Variants in SLC6A13 observed in about 807,000 individuals in gnomAD.
SLC6A13 encodes the protein solute carrier family 6 member 13.
SLC6A13 carries 69 observed loss-of-function variants against 72.9 expected under a neutral mutation model. That is an observed-to-expected ratio of 0.95 (90% CI 0.78 to 1.16). The LOEUF is 1.16. Among genes scored for constraint, SLC6A13 ranks in the 50% most tolerant of loss-of-function variants. SLC6A13 has a pLI of 0.00. For missense variants in SLC6A13, 735 were observed against 760.5 expected (o/e 0.97, Z 0.39); for synonymous variants, 303 against 303.0 (o/e 1.00, Z 0.00).
At position 221,429 on chromosome 12, in the gene SLC6A13, T is replaced by C. The variant is rs1324380935; in HGVS notation, c.1633A>G (p.Ile545Val). Residue 545 changes from isoleucine to valine, a missense_variant, in exon 14 of 15, where the codon ATT (isoleucine) becomes GTT (valine). Transcript: ENST00000343164. ...AGTCTGTAGAGGCTCCAGGCAGGAA[T>C]GCAGACCATGGAGGACAGAGCCAGG... ...WLLALSSMVC[I>V]PAWSLYRLGT... 12 of 1,613,634 alleles carry C rather than the reference T, an allele frequency of 7.4e-6. No homozygotes were observed. The highest frequency in any genetic ancestry group is 9.3e-6 in the Non-Finnish European group (11 of 1,179,794).
At chr12:230,789 A>G (rs1446582) in intron 7 of SLC6A13, among the ~76,000 whole-genome samples, 33,315 of 152,168 alleles carry the variant, frequency 0.22, 3,843 homozygotes, top group Middle Eastern at 0.27. Context: ...GCTGACCCCA[A>G]ACTCACAGGG....
chr12:261,479 C>T (rs889940922), intron 1 of SLC6A13, among the ~76,000 whole-genome samples: 1 of 152,212 alleles, frequency 6.6e-6, no homozygotes, highest in Non-Finnish European at 1.5e-5. Context: ...TCTAATGACT[C>T]TGCCTTGATT....
rs1941168439 is a variant in SLC6A13 at position 220,718 on chromosome 12, G to C, written c.*230C>G. The C allele has an allele frequency of 2.0e-6, 1 of 488,152 alleles. No individual in the cohort carries two copies. Among genetic ancestry groups the C allele is most frequent in the Non-Finnish European group, 3.6e-6 (1 of 275,342 alleles). 30.2% of individuals were successfully genotyped at this position (488,152 alleles called of 1,614,324 possible). A position where few individuals can be genotyped will look rare whatever the true frequency, so the allele number is the denominator to read the frequency against. ...TACCAGCCCCCACCCAGCTTCCCAA[G>C]GGTCTCAGAGGGACACTCTTGGCAC... On this transcript the variant is annotated 3_prime_UTR_variant, in exon 15 of 15. Coordinates refer to ENST00000343164, the MANE Select transcript of SLC6A13 (RefSeq NM_016615.5).
At chr12:238,871 T>A (rs1277294758) in intron 4 of SLC6A13, among the ~76,000 whole-genome samples, 1 of 132,572 alleles carries the variant, frequency 7.5e-6, no homozygotes, top group African/African-American at 2.5e-5. Context: ...TCCCGGCTCC[T>A]ACCTGGCCTT....
intron 4 of SLC6A13, among the ~76,000 whole-genome samples, chr12:240,020 C>A (rs1352234035): frequency 2.0e-5 from 3 of 151,968 alleles, no homozygotes; most frequent in Non-Finnish European, 4.4e-5. Context: ...CTAATGAAGC[C>A]CTGAAGCAAA....
intron 6 of SLC6A13, among the ~76,000 whole-genome samples, chr12:235,449 T>A (rs1258924702): frequency 6.6e-6 from 1 of 152,198 alleles, no homozygotes; most frequent in Non-Finnish European, 1.5e-5. Context: ...TGTGAAAATT[T>A]AATGGACACT....
intron 9 of SLC6A13, 98 bp from the exon 10 acceptor site, chr12:224,611 G>A (rs1941363759): frequency 7.5e-6 from 7 of 938,648 alleles, no homozygotes; most frequent in Non-Finnish European, 1.1e-5. Flanking sequence ...GAATAACAGG[G>A]GCTAGAGGAA....
At chr12:253,278 C>A (rs1330994848) in intron 2 of SLC6A13, among the ~76,000 whole-genome samples, 2 of 152,316 alleles carry the variant, frequency 1.3e-5, no homozygotes, top group East Asian at 3.9e-4. Flanking sequence ...AACTGACGAT[C>A]TTCCACTTGA....
At chr12:230,191 T>C (rs1941651550) in intron 7 of SLC6A13, among the ~76,000 whole-genome samples, 1 of 152,032 alleles carries the variant, frequency 6.6e-6, no homozygotes. Context: ...GATTTGTCTC[T>C]GGCTAGGGCA....
chr12:228,062 G>A (rs1050146822), intron 7 of SLC6A13, among the ~76,000 whole-genome samples: 1 of 152,082 alleles, frequency 6.6e-6, no homozygotes, highest in African/African-American at 2.4e-5. Flanking sequence ...GGGTCTCCAG[G>A]AACACTGTCC....
At chr12:242,471 T>C (rs1942200228) in intron 4 of SLC6A13, 143 bp downstream of exon 4, 2 of 613,248 alleles carry the variant, frequency 3.3e-6, no homozygotes, top group East Asian at 5.9e-5. Flanking sequence ...GAATTCTTGA[T>C]CTTATTCTTG....
rs997665874 is a variant in SLC6A13, at chr12:222,210, A to G, written c.1515+322T>C. 4.6e-5 allele frequency among the ~76,000 whole-genome samples: 7 copies of G among 152,320 alleles called. 1 individual carries two copies. The highest frequency in any genetic ancestry group is 1.3e-4 in the Admixed American group (2 of 15,304). On this transcript the variant is annotated intron_variant, in intron 13 of 14. Coordinates refer to ENST00000343164, the MANE Select transcript of SLC6A13 (RefSeq NM_016615.5). ...AAGTCAGGGCTCTATACCGGCTGCTATTAGGATTGCTGTGGTTATTAGCAT... is the reference window on the plus strand; with the variant it reads ...AAGTCAGGGCTCTATACCGGCTGCTGTTAGGATTGCTGTGGTTATTAGCAT...
chr12:257,965 T>C (rs998802598), intron 2 of SLC6A13, among the ~76,000 whole-genome samples: 1 of 152,128 alleles, frequency 6.6e-6, no homozygotes, highest in African/African-American at 2.4e-5. Context: ...GGTTACCAGG[T>C]TCCAGACCCA....
At chr12:243,321 G>C (rs533078196) in intron 3 of SLC6A13, among the ~76,000 whole-genome samples, 80 of 152,294 alleles carry the variant, frequency 5.3e-4, no homozygotes, top group African/African-American at 1.8e-3. Flanking sequence ...GGCCAAGATA[G>C]AACTATGAAT....
chr12:253,838 G>A (rs973151265), intron 2 of SLC6A13: 2 of 152,334 alleles, frequency 1.3e-5, no homozygotes, highest in Non-Finnish European at 2.9e-5. Context: ...GGTGTCCTGA[G>A]ACTAGTGGAA....
chr12:241,526 T>C (rs973040717), intron 4 of SLC6A13, among the ~76,000 whole-genome samples: 1 of 152,124 alleles, frequency 6.6e-6, no homozygotes, highest in African/African-American at 2.4e-5. Context: ...TCAATGCAAA[T>C]GTTAAAGTTC....
At chr12:236,617 G>A (rs1042618142) in intron 6 of SLC6A13, among the ~76,000 whole-genome samples, 7 of 152,164 alleles carry the variant, frequency 4.6e-5, no homozygotes, top group African/African-American at 1.4e-4. Context: ...TGTGCTTAGC[G>A]TTCATGGCAA....
Position 224,091 on chromosome 12 carries a change from G to A in SLC6A13, c.1212C>T (p.Asp404=). Residue 404 remains aspartate (D), a synonymous_variant, in exon 11 of 15, where the codon GAC becomes GAT. Transcript: ENST00000343164. ...CVESLVTALV[D]MYPHVFRKKN... The stretch of plus-strand genomic sequence containing the variant: ...TCTTGCGGAACACGTGAGGGTACAT[G>A]TCCACCAGCGCTGTCACCAGGCTTT... 2 of 1,614,142 alleles carry A rather than the reference G, an allele frequency of 1.2e-6. No individual in the cohort carries two copies. The highest frequency in any genetic ancestry group is 1.7e-6 in the Non-Finnish European group (2 of 1,180,012).
intron 7 of SLC6A13, among the ~76,000 whole-genome samples, chr12:230,457 G>A (rs759604799): frequency 1.3e-5 from 2 of 151,696 alleles, no homozygotes; most frequent in Admixed American, 6.6e-5. Flanking sequence ...CTGGCTGTGC[G>A]ATCTTAGGCA....
Sources: allele counts gnomAD v4.1 joint callset (sites outside exome capture counted in the v4.1 genomes callset), GRCh38; gene constraint gnomAD v4.1.1; transcripts MANE v1.5; gene names NCBI Gene and HGNC (gene_info 2026-07-23, HGNC 2026-07-21).